LSAMP: variants seen among roughly 807,000 people sequenced by gnomAD.
The protein encoded by LSAMP is limbic system-associated membrane protein.
A neutral mutation model predicts 38.6 loss-of-function variants in LSAMP; 7 were observed. The observed-to-expected ratio is 0.18, with a 90% CI of 0.10 to 0.34. The LOEUF (loss-of-function observed/expected upper bound fraction) is 0.34. Ranked by LOEUF, LSAMP falls within the 10% of genes least tolerant of loss-of-function variation. The pLI, the probability that LSAMP is intolerant of heterozygous loss-of-function variation, is 1.00. For synonymous variants in LSAMP, 154 were observed against 166.8 expected, an observed-to-expected ratio of 0.92 and a Z score of 0.59; for missense variants, 313 against 420.0, an observed-to-expected ratio of 0.75 and a Z score of 2.23.
At chr3:115,859,376 C>T (rs114288253) in intron 3 of LSAMP, among the ~76,000 whole-genome samples, 2,272 of 152,004 alleles carry the variant, frequency 0.015, 52 homozygotes, top group African/African-American at 0.052. Flanking sequence ...AAAACAAAAA[C>T]GGAGAGATGT....
chr3:116,035,253 T>A (rs1314328969), intron 2 of LSAMP, among the ~76,000 whole-genome samples: 1 of 152,198 alleles, frequency 6.6e-6, no homozygotes, highest in African/African-American at 2.4e-5. Flanking sequence ...AAATTTTATA[T>A]GCTACTGCTA....
intron 1 of LSAMP, among the ~76,000 whole-genome samples, chr3:116,248,001 C>T (rs1250516345): frequency 1.3e-5 from 2 of 152,108 alleles, no homozygotes; most frequent in East Asian, 1.9e-4. Context: ...GTATGGTGCC[C>T]TTGGGAAGAT....
intron 1 of LSAMP, among the ~76,000 whole-genome samples, chr3:116,147,849 A>T (rs548061752): frequency 7.9e-5 from 12 of 151,920 alleles, no homozygotes; most frequent in Non-Finnish European, 1.3e-4. Context: ...GCAATCTTGA[A>T]ATCTTTCTCC....
chr3:116,012,203 C>G (rs1026418209), intron 3 of LSAMP, among the ~76,000 whole-genome samples: 1 of 152,196 alleles, frequency 6.6e-6, no homozygotes, highest in African/African-American at 2.4e-5. Flanking sequence ...TTCAACAACT[C>G]CATGGTCACT....
At chr3:116,258,943 A>AGG (rs2046790691) in intron 1 of LSAMP, among the ~76,000 whole-genome samples, 3 of 152,160 alleles carry the variant, frequency 2.0e-5, no homozygotes, top group Non-Finnish European at 1.5e-5. Flanking sequence ...CATTAAAAAT[A>AGG]CGTTTTAAAG....
chr3:115,974,822 T>C (rs927752793), intron 3 of LSAMP, among the ~76,000 whole-genome samples: 1 of 152,102 alleles, frequency 6.6e-6, no homozygotes, highest in Non-Finnish European at 1.5e-5. Context: ...AGATAAAAAG[T>C]CTAATGGTGG....
intron 1 of LSAMP, among the ~76,000 whole-genome samples, chr3:116,388,228 TTAG>T: frequency 6.6e-6 from 1 of 152,278 alleles, no homozygotes; most frequent in South Asian, 2.1e-4. Context: ...TAGGAAGTCA[TTAG>T]CAATATGCAT....
chr3:115,966,200 C>A (rs1224780352), intron 3 of LSAMP, among the ~76,000 whole-genome samples: 2 of 152,194 alleles, frequency 1.3e-5, no homozygotes, highest in South Asian at 4.1e-4. Flanking sequence ...TGTGGATACA[C>A]TGGCTGGAGT....
intron 1 of LSAMP, among the ~76,000 whole-genome samples, chr3:116,111,466 T>G (rs958861932): frequency 2.0e-5 from 3 of 152,238 alleles, no homozygotes; most frequent in African/African-American, 7.2e-5. Flanking sequence ...TCAATGGCAT[T>G]AGAGTGTTCA....
At chr3:116,394,134 G>A (rs1195914771) in intron 1 of LSAMP, among the ~76,000 whole-genome samples, 4 of 152,088 alleles carry the variant, frequency 2.6e-5, no homozygotes, top group Admixed American at 6.6e-5. Flanking sequence ...CACATGTATC[G>A]GGTTAGAGGA....
chr3:116,366,360 C>CT (rs984635779), intron 1 of LSAMP, among the ~76,000 whole-genome samples: 3 of 152,120 alleles, frequency 2.0e-5, no homozygotes, highest in Admixed American at 1.3e-4. Flanking sequence ...AAAAGCACCT[C>CT]TTTTTTAAGA....
At chr3:115,858,499 A>T (rs1398073179) in intron 3 of LSAMP, among the ~76,000 whole-genome samples, 1 of 152,008 alleles carries the variant, frequency 6.6e-6, no homozygotes, top group Non-Finnish European at 1.5e-5. Context: ...TGAATGGATC[A>T]TTTTTTTCAC....
At chr3:115,957,845 G>A (rs746746257) in intron 3 of LSAMP, among the ~76,000 whole-genome samples, 10 of 152,106 alleles carry the variant, frequency 6.6e-5, no homozygotes, top group Non-Finnish European at 1.5e-4. Context: ...CCAAAGGTGA[G>A]TTATCACCTT....
intron 1 of LSAMP, among the ~76,000 whole-genome samples, chr3:116,222,069 T>C (rs1287334134): frequency 6.6e-6 from 1 of 152,134 alleles, no homozygotes; most frequent in African/African-American, 2.4e-5. Flanking sequence ...GCTGCTTCTC[T>C]TTCTAGGAGT....
rs111472075 is a variant in LSAMP, at chr3:116,117,312, C to A, written c.156-30756G>T. ...AGCCCCTCATGTCTGTCATTCCCCCCCTATTCTTTCTTTATATATTATTTT... is the reference window on the plus strand; with the variant it reads ...AGCCCCTCATGTCTGTCATTCCCCCACTATTCTTTCTTTATATATTATTTT... On this transcript the variant is annotated intron_variant, in intron 1 of 6. Transcript: ENST00000490035. Among the ~76,000 whole-genome samples the A allele has an allele frequency of 9.4e-3, 1,432 of 152,176 alleles. 22 individuals are homozygous for A. Among genetic ancestry groups the A allele is most frequent in the Middle Eastern group, 0.071 (21 of 294 alleles).
At chr3:116,119,516 G>C (rs1193356776) in intron 1 of LSAMP, among the ~76,000 whole-genome samples, 1 of 151,754 alleles carries the variant, frequency 6.6e-6, no homozygotes, top group Admixed American at 6.6e-5. Flanking sequence ...CAAATACTGG[G>C]GTTAGTACAT....
chr3:116,333,809 A>G (rs1020062107), intron 1 of LSAMP, among the ~76,000 whole-genome samples: 1 of 151,918 alleles, frequency 6.6e-6, no homozygotes, highest in Non-Finnish European at 1.5e-5. Flanking sequence ...TTAAAAAATT[A>G]AAAAACAAAC....
intron 1 of LSAMP, among the ~76,000 whole-genome samples, chr3:116,358,017 G>A (rs972441761): frequency 1.3e-5 from 2 of 151,906 alleles, no homozygotes; most frequent in East Asian, 3.9e-4. Context: ...AATCTCTTTG[G>A]GTTTCCTCCT....
At chr3:115,988,101 A>G (rs1317545947) in intron 3 of LSAMP, among the ~76,000 whole-genome samples, 1 of 152,176 alleles carries the variant, frequency 6.6e-6, no homozygotes, top group Non-Finnish European at 1.5e-5. Flanking sequence ...CATCTCATCT[A>G]AAAGCTTTCT....
Sources: allele counts gnomAD v4.1 joint callset (sites outside exome capture counted in the v4.1 genomes callset), GRCh38; gene constraint gnomAD v4.1.1; transcripts MANE v1.5; gene names NCBI Gene and HGNC (gene_info 2026-07-23, HGNC 2026-07-21).